Variants in UFSP2 observed in about 807,000 individuals in gnomAD.
UFSP2 encodes ufm1-specific protease 2.
In UFSP2, 43 loss-of-function variants were observed where a neutral mutation model predicts 60.2. That is an observed-to-expected ratio of 0.71 (90% CI 0.56 to 0.92). The LOEUF is 0.92. Among genes scored for constraint, UFSP2 ranks in the 40% least tolerant of loss-of-function variants. UFSP2 has a pLI of 0.00. For synonymous variants in UFSP2, 183 were observed against 195.1 expected, an observed-to-expected ratio of 0.94 and a Z score of 0.52; for missense variants, 520 against 575.0, an observed-to-expected ratio of 0.90 and a Z score of 0.98.
chr4:185,425,571 C>G (rs1368239848), intron 1 of UFSP2, among the ~76,000 whole-genome samples: 3 of 152,196 alleles, frequency 2.0e-5, no homozygotes, highest in Non-Finnish European at 4.4e-5. Context: ...CAGGTTAAGC[C>G]CTTCTTGCAA....
chr4:185,425,216 T>C lies in UFSP2; in HGVS notation c.3+650A>G, dbSNP rs80283968. On this transcript the variant is annotated intron_variant, in intron 1 of 11. Coordinates refer to ENST00000264689, the MANE Select transcript of UFSP2 (RefSeq NM_018359.5). Reference sequence around the variant, plus strand: ...TTTTGGGCAGGCACAACAGGATGTATGGTGGTGCCATCTACAGAGTTGGGG... The same window carrying C: ...TTTTGGGCAGGCACAACAGGATGTACGGTGGTGCCATCTACAGAGTTGGGG... 9.7e-4 allele frequency among the ~76,000 whole-genome samples: 147 copies of C among 152,236 alleles called. 2 individuals are homozygous for C. Among genetic ancestry groups the C allele is most frequent in the Middle Eastern group, 3.4e-3 (1 of 294 alleles).
chr4:185,414,305 T>C (rs2095534547), intron 6 of UFSP2, among the ~76,000 whole-genome samples: 1 of 152,216 alleles, frequency 6.6e-6, no homozygotes, highest in Non-Finnish European at 1.5e-5. Flanking sequence ...TTGTAAGTGG[T>C]AGTGATTAAA....
At chr4:185,406,057 C>T in intron 9 of UFSP2, 2 of 1,135,678 alleles carry the variant, frequency 1.8e-6, no homozygotes, top group South Asian at 1.4e-5. Flanking sequence ...ATACTTAAGG[C>T]CACCAAGTGT....
In UFSP2 at chr4:185,413,707, A is replaced by G; in HGVS notation, c.831+19T>C. The stretch of plus-strand genomic sequence containing the variant: ...CATTACTGATCCAGTGACTCCCATA[A>G]ATAATTAGTTAAACTCACCATACCA... On this transcript the variant is annotated intron_variant, in intron 7 of 11. Coordinates refer to ENST00000264689, the MANE Select transcript of UFSP2 (RefSeq NM_018359.5). The G allele has an allele frequency of 6.3e-7, 1 of 1,595,850 alleles. No homozygotes were observed. Among genetic ancestry groups the G allele is most frequent in the Non-Finnish European group, 8.5e-7 (1 of 1,173,948 alleles).
intron 6 of UFSP2, among the ~76,000 whole-genome samples, chr4:185,414,665 T>C (rs1279020970): frequency 1.3e-5 from 2 of 152,212 alleles, no homozygotes; most frequent in African/African-American, 4.8e-5. Context: ...GTAAATCTCA[T>C]TACTTTGAAT....
rs751940089 is a variant in UFSP2 at position 185,415,220 on chromosome 4, T to C, written c.619A>G (p.Lys207Glu). 9.9e-6 allele frequency: 16 copies of C among 1,608,534 alleles called. No homozygotes were observed. In the Admixed American group the frequency reaches 1.6e-4, roughly 16 times the overall value. Residue 207 changes from lysine (K) to glutamate (E), a missense_variant, in exon 6 of 12, where the codon AAA (lysine) becomes GAA (glutamate). Transcript: ENST00000264689. ...GGATATGAAATTGTTACAAGATTTT[T>C]TTTCCCTGGTAATAAAAAGTGCAGT... is the stretch of plus-strand genomic sequence containing the variant. ...EPLHFLLPGK[K>E]NLVTISYPSG...
intron 10 of UFSP2, 48 bp from the exon 11 acceptor site, chr4:185,403,666 C>T (rs1271659749): frequency 9.4e-6 from 15 of 1,592,392 alleles, no homozygotes; most frequent in Admixed American, 5.4e-5. Context: ...AAACAAATGT[C>T]AAATGCCTAT....
At chr4:185,413,587 G>A in intron 7 of UFSP2, 139 bp downstream of exon 7, 7 of 799,726 alleles carry the variant, frequency 8.8e-6, no homozygotes, top group African/African-American at 1.8e-5. Context: ...CTTAAGCAAT[G>A]TCTGTTAACA....
Position 185,399,640 on chromosome 4 carries a change from T to C in UFSP2, c.*752A>G. Reference sequence around the variant, plus strand: ...ATGTGGATTTCCAGACTGTGCCAAGTTTCTTACAACAATTAAATGTATGCA... The same window carrying C: ...ATGTGGATTTCCAGACTGTGCCAAGCTTCTTACAACAATTAAATGTATGCA... On this transcript the variant is annotated 3_prime_UTR_variant, in exon 12 of 12. Coordinates refer to ENST00000264689, the MANE Select transcript of UFSP2 (RefSeq NM_018359.5). 1 of 1,614,200 alleles carries C rather than the reference T, an allele frequency of 6.2e-7. No homozygotes were observed. Among genetic ancestry groups the C allele is most frequent in the Non-Finnish European group, 8.5e-7 (1 of 1,180,024 alleles).
intron 9 of UFSP2, 26 bp downstream of exon 9, chr4:185,407,910 T>G (rs868745204): frequency 6.3e-7 from 1 of 1,596,720 alleles, no homozygotes; most frequent in Non-Finnish European, 8.5e-7. Flanking sequence ...TGAAATGATT[T>G]ATCTAATTTC....
At chr4:185,414,074 T>C (rs1380561977) in intron 6 of UFSP2, among the ~76,000 whole-genome samples, 1 of 152,178 alleles carries the variant, frequency 6.6e-6, no homozygotes, top group East Asian at 1.9e-4. Flanking sequence ...TACGTCTGTA[T>C]CTGGGTAGAA....
intron 11 of UFSP2, 43 bp from the exon 12 acceptor site, chr4:185,400,521 C>G (rs375238489): frequency 5.7e-5 from 83 of 1,459,422 alleles, no homozygotes; most frequent in Non-Finnish European, 7.6e-5. Context: ...TACAAAGTTA[C>G]AAGATTATGT....
chr4:185,418,269 A>G (rs2095542807), intron 4 of UFSP2, among the ~76,000 whole-genome samples, 172 bp downstream of exon 4: 1 of 152,210 alleles, frequency 6.6e-6, no homozygotes, highest in Admixed American at 6.5e-5. Flanking sequence ...TAATCAGACA[A>G]AAACTTAGAT....
intron 7 of UFSP2, among the ~76,000 whole-genome samples, chr4:185,408,976 A>G (rs1488705401): frequency 6.6e-6 from 1 of 152,130 alleles, no homozygotes; most frequent in Non-Finnish European, 1.5e-5. Context: ...TAAATGATAC[A>G]TTACTTATCA....
chr4:185,401,442 C>A lies in UFSP2; in HGVS notation c.1324-964G>T, dbSNP rs532860215. ...TTTTGATCCTTTTACACATGAAGGC[C>A]TTGTCCAGGTAACCAGATCCAGATT... On this transcript the variant is annotated intron_variant, in intron 11 of 11. Coordinates refer to ENST00000264689, the MANE Select transcript of UFSP2 (RefSeq NM_018359.5). 2.8e-4 allele frequency among the ~76,000 whole-genome samples: 42 copies of A among 152,266 alleles called. No individual in the cohort carries two copies. In the South Asian group the frequency reaches 8.5e-3, roughly 31 times the overall value.
At chr4:185,417,381 TCTTA>T (rs1561118533) in intron 4 of UFSP2, among the ~76,000 whole-genome samples, 1 of 152,210 alleles carries the variant, frequency 6.6e-6, no homozygotes, top group Non-Finnish European at 1.5e-5. Flanking sequence ...CATCTGTACA[TCTTA>T]CTGAGGTCTT....
In UFSP2 at chr4:185,404,293, GTTTTTTTTT is replaced by G. The variant is rs70962562; in HGVS notation, c.1199-684_1199-676del. 6.7e-3 allele frequency among the ~76,000 whole-genome samples: 543 copies of G among 80,488 alleles called. 2 individuals are homozygous for G. The highest frequency in any genetic ancestry group is 0.021 in the African/African-American group (492 of 23,978). 52.8% of individuals were successfully genotyped at this position (80,488 alleles called of 152,430 possible). A position where few individuals can be genotyped will look rare whatever the true frequency, so the allele number is the denominator to read the frequency against. On this transcript the variant is annotated intron_variant, in intron 10 of 11. Coordinates refer to ENST00000264689, the MANE Select transcript of UFSP2 (RefSeq NM_018359.5). ...AGTGATATAGCACTCCATTCATTAAGTTTTTTTTTTTTTTTTTTTTTTTGAGCTAGAGTC... is the reference window on the plus strand; with the variant it reads ...AGTGATATAGCACTCCATTCATTAAGTTTTTTTTTTTTTTGAGCTAGAGTC...
intron 10 of UFSP2, among the ~76,000 whole-genome samples, chr4:185,404,650 A>T (rs1368688726): frequency 6.6e-6 from 1 of 150,826 alleles, no homozygotes; most frequent in Non-Finnish European, 1.5e-5. Flanking sequence ...TACAGTGGGC[A>T]ATCCCGGCTC....
Position 185,425,901 on chromosome 4 carries a change from G to A in UFSP2, c.-33C>T, listed in dbSNP as rs2289720. The A allele has an allele frequency of 0.71, 1,124,291 of 1,585,720 alleles. 408,231 individuals are homozygous for A. The highest frequency in any genetic ancestry group is 0.81 in the East Asian group (35,319 of 43,382). ...ACGTGGCGGTGACACGGGCGCTGAC[G>A]CCTGCCCAAAAGTTCCGGGGGCCGG... On this transcript the variant is annotated 5_prime_UTR_variant, in exon 1 of 12. Transcript: ENST00000264689.
Sources: gnomAD v4.1 joint callset for allele counts (sites outside exome capture counted in the v4.1 genomes callset) on GRCh38, gnomAD v4.1.1 for gene constraint, MANE v1.5 for transcripts, NCBI Gene and HGNC (gene_info 2026-07-23, HGNC 2026-07-21) for gene names.